Variants in ATP8A2 observed in about 807,000 individuals in gnomAD.
ATP8A2 encodes the protein ATPase phospholipid transporting 8A2.
ATP8A2 carries 100 observed loss-of-function variants against 165.6 expected under a neutral mutation model. The ratio of observed to expected loss-of-function variants is 0.60; its 90% CI spans 0.51 to 0.71. The LOEUF (loss-of-function observed/expected upper bound fraction) is 0.71. Ranked by LOEUF, ATP8A2 falls within the 30% of genes least tolerant of loss-of-function variation. The pLI is 0.00. For missense variants in ATP8A2, 1,227 were observed against 1,479.5 expected (o/e 0.83, Z 2.80); for synonymous variants, 543 against 548.8 (o/e 0.99, Z 0.15).
At chr13:25,567,013 G>A in intron 16 of ATP8A2, 1 of 249,798 alleles carries the variant, frequency 4.0e-6, no homozygotes, top group Non-Finnish European at 8.0e-6. Context: ...TATTTGCACT[G>A]ACATAAAGGT....
At position 25,852,634 on chromosome 13, in the gene ATP8A2, G is replaced by A. The variant is rs1952037693; in HGVS notation, c.2957-7561G>A. ...AAATTATCTCCTGTCATTCTTAGGA[G>A]TCCATTTTTCTAACTCAGTTAATTA... On this transcript the variant is annotated intron_variant, in intron 30 of 36. Coordinates refer to ENST00000381655, the MANE Select transcript of ATP8A2 (RefSeq NM_016529.6). 2.6e-5 allele frequency among the ~76,000 whole-genome samples: 4 copies of A among 152,178 alleles called. 1 individual carries two copies. In the South Asian group the frequency reaches 8.3e-4, roughly 32 times the overall value.
chr13:25,815,545 C>T (rs1005900478), intron 27 of ATP8A2, among the ~76,000 whole-genome samples: 2 of 152,196 alleles, frequency 1.3e-5, no homozygotes, highest in Non-Finnish European at 2.9e-5. Flanking sequence ...AAAAGAGTTA[C>T]AGAGTATGTA....
At chr13:25,480,946 G>A (rs1489012408) in intron 2 of ATP8A2, among the ~76,000 whole-genome samples, 1 of 152,138 alleles carries the variant, frequency 6.6e-6, no homozygotes, top group Non-Finnish European at 1.5e-5. Context: ...TCGCGGTTAG[G>A]AGCTGGAGAC....
intron 35 of ATP8A2, among the ~76,000 whole-genome samples, chr13:25,982,410 G>A (rs781761004): frequency 3.9e-5 from 6 of 152,312 alleles, no homozygotes; most frequent in South Asian, 4.1e-4. Flanking sequence ...AAGAGACACC[G>A]GGGCTGGGTG....
chr13:25,515,618 T>TTG (rs369599629), intron 2 of ATP8A2, among the ~76,000 whole-genome samples: 4 of 152,182 alleles, frequency 2.6e-5, no homozygotes, highest in Admixed American at 6.5e-5. Flanking sequence ...CCATTCCTAG[T>TTG]TGTGTGTGTG....
chr13:25,526,969 C>T (rs1380505496), intron 2 of ATP8A2, among the ~76,000 whole-genome samples: 1 of 152,100 alleles, frequency 6.6e-6, no homozygotes, highest in Non-Finnish European at 1.5e-5. Context: ...TTGGTGCTGG[C>T]AGATTGGGGA....
chr13:25,952,575 G>A (rs1005433330), intron 33 of ATP8A2, among the ~76,000 whole-genome samples: 5 of 152,054 alleles, frequency 3.3e-5, no homozygotes, highest in Admixed American at 6.5e-5. Context: ...AGGGTCTCAC[G>A]ATGTCCTGGC....
Position 25,839,186 on chromosome 13 carries a change from T to C in ATP8A2, c.2878-360T>C, listed in dbSNP as rs60962404. On this transcript the variant is annotated intron_variant, in intron 29 of 36. Transcript: ENST00000381655. ...TAGTCTCTTCTTAACAATTTTGACC[T>C]AGTACCCTTTTTCTGGATGTTTGTA... Among the ~76,000 whole-genome samples the C allele has an allele frequency of 2.4e-3, 364 of 152,306 alleles. 2 individuals are homozygous for C. Among genetic ancestry groups the C allele is most frequent in the African/African-American group, 7.6e-3 (318 of 41,574 alleles).
intron 35 of ATP8A2, among the ~76,000 whole-genome samples, chr13:26,001,953 G>A (rs1199784982): frequency 6.6e-6 from 1 of 152,068 alleles, no homozygotes; most frequent in Non-Finnish European, 1.5e-5. Flanking sequence ...ATTTGCCCCT[G>A]TATTTTCCTC....
chr13:25,845,037 G>A (rs1951826655), intron 30 of ATP8A2, among the ~76,000 whole-genome samples: 1 of 152,184 alleles, frequency 6.6e-6, no homozygotes, highest in Non-Finnish European at 1.5e-5. Context: ...GCACTCCTTT[G>A]CTGATGGAGT....
intron 24 of ATP8A2, among the ~76,000 whole-genome samples, chr13:25,620,790 GA>G (rs2040948309): frequency 6.6e-6 from 1 of 152,152 alleles, no homozygotes; most frequent in South Asian, 2.1e-4. Context: ...CAAAATGTTA[GA>G]AATAGGCACA....
At chr13:25,981,441 G>A (rs897670406) in intron 35 of ATP8A2, among the ~76,000 whole-genome samples, 23 of 152,166 alleles carry the variant, frequency 1.5e-4, no homozygotes, top group Non-Finnish European at 2.5e-4. Context: ...GAATGGACAC[G>A]TAAGAATGCT....
chr13:25,571,097 G>A (rs888315530), intron 17 of ATP8A2, among the ~76,000 whole-genome samples: 2 of 152,178 alleles, frequency 1.3e-5, no homozygotes, highest in Non-Finnish European at 2.9e-5. Flanking sequence ...GGAGGACCCC[G>A]GTTATGTTGC....
intron 29 of ATP8A2, among the ~76,000 whole-genome samples, chr13:25,839,221 T>C (rs1056188059): frequency 6.6e-6 from 1 of 152,178 alleles, no homozygotes; most frequent in Admixed American, 6.5e-5. Context: ...AAAATGGTGT[T>C]GTCTCTCTTA....
chr13:25,802,275 G>C (rs1032330199), intron 27 of ATP8A2, among the ~76,000 whole-genome samples: 4 of 152,064 alleles, frequency 2.6e-5, no homozygotes, highest in Non-Finnish European at 4.4e-5. Context: ...AGTGATTGAG[G>C]CTCAGTTTCT....
intron 4 of ATP8A2, among the ~76,000 whole-genome samples, chr13:25,531,334 ATG>A (rs1297137506): frequency 3.0e-5 from 4 of 133,134 alleles, no homozygotes; most frequent in South Asian, 2.2e-4. Flanking sequence ...TGATATATAT[ATG>A]TTATATATGA....
At chr13:25,831,059 G>A (rs905729774) in intron 28 of ATP8A2, among the ~76,000 whole-genome samples, 4 of 152,114 alleles carry the variant, frequency 2.6e-5, no homozygotes, top group Non-Finnish European at 4.4e-5. Flanking sequence ...TTGTGATGTG[G>A]AAGGCATTTG....
In ATP8A2 at chr13:26,012,538, G is replaced by T. The variant is rs1479737214; in HGVS notation, c.3385G>T (p.Glu1129Ter). Reference sequence around the variant, plus strand: ...CGCTTGCTTTATCCGCAGGCTGAACGAGCGCGACCGCCTGATCAAGAGGCT... The same window carrying T: ...CGCTTGCTTTATCCGCAGGCTGAACTAGCGCGACCGCCTGATCAAGAGGCT... ...LRDSNGKRLN[E>*]RDRLIKRLGR... is the part of the protein sequence containing the mutation. The change falls in exon 36 of 37, where the codon GAG becomes TAG. Residue 1129 changes from glutamate to a stop codon, truncating the protein, a stop_gained. Coordinates refer to ENST00000381655, the MANE Select transcript of ATP8A2 (RefSeq NM_016529.6). LOFTEE classifies it high-confidence loss of function. 1 of 1,540,124 alleles carries T rather than the reference G, an allele frequency of 6.5e-7. No individual in the cohort carries two copies. Among genetic ancestry groups the T allele is most frequent in the Admixed American group, 2.0e-5 (1 of 49,706 alleles).
At chr13:25,833,054 C>G (rs1336056269) in intron 28 of ATP8A2, among the ~76,000 whole-genome samples, 1 of 150,490 alleles carries the variant, frequency 6.6e-6, no homozygotes, top group Non-Finnish European at 1.5e-5. Context: ...TAGCCTTTTT[C>G]TAGCCTAGCA....
Sources: gnomAD v4.1 joint callset for allele counts (sites outside exome capture counted in the v4.1 genomes callset) on GRCh38, gnomAD v4.1.1 for gene constraint, MANE v1.5 for transcripts, NCBI Gene and HGNC (gene_info 2026-07-23, HGNC 2026-07-21) for gene names.